The following PPARGC1A variants were observed in gnomAD, a reference collection of about 807,000 sequenced individuals.
PPARGC1A encodes the protein PPARG coactivator 1 alpha, also known as peroxisome proliferator-activated receptor gamma coactivator 1-alpha.
In PPARGC1A, 25 loss-of-function variants were observed where a neutral mutation model predicts 88.7. The observed-to-expected ratio is 0.28, with a 90% CI of 0.21 to 0.39. The LOEUF (loss-of-function observed/expected upper bound fraction) is 0.39, where lower values mean the gene tolerates loss of function less well. PPARGC1A is among the 10% of genes least tolerant of loss of function. The pLI is 1.00. For synonymous variants in PPARGC1A, 363 were observed against 355.6 expected (o/e 1.02, Z -0.24); for missense variants, 880 against 968.7 (o/e 0.91, Z 1.22).
chr4:24,033,903 C>A, the PPARGC1A span, among the ~76,000 whole-genome samples: 4 of 152,152 alleles, frequency 2.6e-5, no homozygotes, highest in African/African-American at 7.2e-5. Flanking sequence ...AAGCTGCTTT[C>A]AAGACAATTT....
At chr4:23,817,124 C>T (rs1022693284) in intron 7 of PPARGC1A, among the ~76,000 whole-genome samples, 1 of 152,084 alleles carries the variant, frequency 6.6e-6, no homozygotes. Context: ...AAAAAGAAAC[C>T]TTAAACTTCA....
At chr4:23,882,541 G>C (rs1202779622) in intron 2 of PPARGC1A, 1 of 152,018 alleles carries the variant, frequency 6.6e-6, no homozygotes, top group Non-Finnish European at 1.5e-5. Context: ...TTGTCCCCAG[G>C]GATAACAACC....
chr4:23,941,227 A>T, the PPARGC1A span, among the ~76,000 whole-genome samples: 1 of 151,890 alleles, frequency 6.6e-6, no homozygotes, highest in Non-Finnish European at 1.5e-5. Flanking sequence ...AATTTTTTTA[A>T]TTTTTGTTTT....
chr4:23,864,299 C>CA (rs1731759064), intron 2 of PPARGC1A, among the ~76,000 whole-genome samples: 1 of 152,186 alleles, frequency 6.6e-6, no homozygotes, highest in Non-Finnish European at 1.5e-5. Flanking sequence ...CTGATTGTGT[C>CA]ACCCGGGTAA....
the PPARGC1A span, among the ~76,000 whole-genome samples, chr4:24,079,823 C>G: frequency 0.085 from 12,853 of 152,050 alleles, 610 homozygotes; most frequent in East Asian, 0.17. Flanking sequence ...AGTTTCTCAA[C>G]TAATATGTAA....
At chr4:24,224,468 A>G in the PPARGC1A span, among the ~76,000 whole-genome samples, 1 of 152,230 alleles carries the variant, frequency 6.6e-6, no homozygotes, top group Non-Finnish European at 1.5e-5. Flanking sequence ...AAGTGAAAGA[A>G]TGACCTAGCG....
chr4:24,297,797 C>A, the PPARGC1A span, among the ~76,000 whole-genome samples: 1 of 152,120 alleles, frequency 6.6e-6, no homozygotes, highest in South Asian at 2.1e-4. Context: ...TGGTCCATGA[C>A]CAGAGAAATG....
the PPARGC1A span, among the ~76,000 whole-genome samples, chr4:24,162,042 G>A: frequency 1.3e-5 from 2 of 148,532 alleles, no homozygotes; most frequent in Non-Finnish European, 3.0e-5. Flanking sequence ...CATAAAAAAG[G>A]AATGAAATAA....
the PPARGC1A span, among the ~76,000 whole-genome samples, chr4:23,984,901 T>A: frequency 6.6e-6 from 1 of 152,032 alleles, no homozygotes; most frequent in Non-Finnish European, 1.5e-5. Flanking sequence ...GAGAGCAATT[T>A]CCCCAGGCAT....
the PPARGC1A span, among the ~76,000 whole-genome samples, chr4:23,957,354 CTG>C: frequency 6.6e-6 from 1 of 152,046 alleles, no homozygotes; most frequent in African/African-American, 2.4e-5. Flanking sequence ...GGCAGGGTCT[CTG>C]TTTTATTTTT....
the PPARGC1A span, among the ~76,000 whole-genome samples, chr4:23,980,216 A>C: frequency 6.7e-6 from 1 of 148,702 alleles, no homozygotes; most frequent in African/African-American, 2.5e-5. Context: ...AAAATGGAGG[A>C]TACATGGCTT....
the PPARGC1A span, among the ~76,000 whole-genome samples, chr4:24,406,869 C>T: frequency 6.6e-6 from 1 of 152,166 alleles, no homozygotes; most frequent in African/African-American, 2.4e-5. Flanking sequence ...CTCAGAGAGG[C>T]CAGAAATGCT....
chr4:24,143,400 C>T, the PPARGC1A span, among the ~76,000 whole-genome samples: 40 of 152,184 alleles, frequency 2.6e-4, 1 homozygote, highest in Admixed American at 2.2e-3. Context: ...TAGCTGAAAT[C>T]GAGAAGAGCC....
upstream of PPARGC1A, among the ~76,000 whole-genome samples, chr4:23,893,282 G>C (rs992540476): frequency 1.3e-5 from 2 of 151,926 alleles, no homozygotes; most frequent in Admixed American, 6.6e-5. Flanking sequence ...CAAATTAAAG[G>C]CTTTTCCCAT....
chr4:24,122,955 T>C, the PPARGC1A span, among the ~76,000 whole-genome samples: 1 of 152,112 alleles, frequency 6.6e-6, no homozygotes, highest in Admixed American at 6.5e-5. Flanking sequence ...TAATTTAGAA[T>C]TGGCTCATCC....
chr4:24,184,683 C>G, the PPARGC1A span, among the ~76,000 whole-genome samples: 1 of 152,184 alleles, frequency 6.6e-6, no homozygotes, highest in East Asian at 1.9e-4. Flanking sequence ...CTCCTCCTCA[C>G]GTGCACCCTC....
the PPARGC1A span, among the ~76,000 whole-genome samples, chr4:23,946,116 G>C: frequency 2.0e-5 from 3 of 152,264 alleles, no homozygotes; most frequent in South Asian, 6.2e-4. Flanking sequence ...CACAGGGAAT[G>C]AATCTCACTT....
chr4:24,131,561 A>C, the PPARGC1A span, among the ~76,000 whole-genome samples: 2 of 152,238 alleles, frequency 1.3e-5, no homozygotes, highest in African/African-American at 4.8e-5. Context: ...ATTCTTCTAA[A>C]TATTTCTCCA....
the PPARGC1A span, among the ~76,000 whole-genome samples, chr4:23,995,551 T>G: frequency 6.6e-6 from 1 of 152,170 alleles, no homozygotes; most frequent in Non-Finnish European, 1.5e-5. Flanking sequence ...GCACCTCACA[T>G]CACTCTCCAG....
Sources: gnomAD v4.1 joint callset for allele counts (sites outside exome capture counted in the v4.1 genomes callset) on GRCh38, gnomAD v4.1.1 for gene constraint, MANE v1.5 for transcripts, NCBI Gene and HGNC (gene_info 2026-07-23, HGNC 2026-07-21) for gene names.